Variants in KLF8 observed in about 807,000 individuals in gnomAD.
KLF8 encodes the protein KLF transcription factor 8, also known as Krueppel-like factor 8.
Under a neutral mutation model 18.2 loss-of-function variants are expected in KLF8, and 10 were observed. That is an observed-to-expected ratio of 0.55 (90% CI 0.34 to 0.93). KLF8 has a LOEUF of 0.93. KLF8 is among the 40% of genes least tolerant of loss of function. The pLI is 0.02. For missense variants in KLF8, 264 were observed against 277.9 expected (o/e 0.95, Z 0.36); for synonymous variants, 109 against 97.3 (o/e 1.12, Z -0.71).
At chrX:55,994,097 A>T in the KLF8 span, among the ~76,000 whole-genome samples, 5 of 109,367 alleles carry the variant, frequency 4.6e-5, no homozygotes, top group African/African-American at 1.7e-4. Context: ...TTTTTAGTAG[A>T]GACAGGGTTT....
At chrX:56,206,481 A>T in the KLF8 span, among the ~76,000 whole-genome samples, 1 of 112,098 alleles carries the variant, frequency 8.9e-6, no homozygotes, top group Non-Finnish European at 1.9e-5. Context: ...GCCAAAACAA[A>T]TGGGCTACAG....
At chrX:56,048,041 G>GT in the KLF8 span, among the ~76,000 whole-genome samples, 14 of 112,082 alleles carry the variant, frequency 1.2e-4, 1 homozygote, top group South Asian at 4.1e-3. Flanking sequence ...TTTTTCATGT[G>GT]TTTTTTGGCT....
chrX:55,977,337 T>C, the KLF8 span, among the ~76,000 whole-genome samples: 1 of 112,403 alleles, frequency 8.9e-6, no homozygotes, highest in Non-Finnish European at 1.9e-5. Flanking sequence ...TCTTCTTTGC[T>C]CTTCAATTTG....
chrX:56,017,633 G>A, the KLF8 span, among the ~76,000 whole-genome samples: 1 of 111,834 alleles, frequency 8.9e-6, no homozygotes, highest in African/African-American at 3.2e-5. Flanking sequence ...TAGTGGGTGT[G>A]TGATTTTTTG....
the KLF8 span, among the ~76,000 whole-genome samples, chrX:56,217,271 A>G: frequency 9.0e-6 from 1 of 111,658 alleles, no homozygotes; most frequent in Non-Finnish European, 1.9e-5. Context: ...AGAAACCAGC[A>G]ATATGGTAAA....
the KLF8 span, among the ~76,000 whole-genome samples, chrX:56,165,670 G>A: frequency 9.0e-6 from 1 of 111,236 alleles, no homozygotes; most frequent in African/African-American, 3.3e-5. Context: ...TTCAAGACTA[G>A]CCTGGACAAC....
chrX:56,044,390 C>A, the KLF8 span, among the ~76,000 whole-genome samples: 21 of 112,351 alleles, frequency 1.9e-4, no homozygotes, highest in Admixed American at 1.9e-3. Flanking sequence ...TTCTTCAAAG[C>A]CAGCAGGCTG....
the KLF8 span, among the ~76,000 whole-genome samples, chrX:56,092,688 T>C: frequency 9.0e-6 from 1 of 111,306 alleles, no homozygotes; most frequent in Non-Finnish European, 1.9e-5. Flanking sequence ...CCTGGAAATG[T>C]ATTTTGAAGT....
the KLF8 span, among the ~76,000 whole-genome samples, chrX:56,207,605 T>C: frequency 1.4e-4 from 16 of 111,484 alleles, no homozygotes; most frequent in East Asian, 4.6e-3. Flanking sequence ...CTCATATCCA[T>C]CTGAGACCAA....
upstream of KLF8, among the ~76,000 whole-genome samples, chrX:56,229,206 C>T (rs748413198): frequency 4.5e-5 from 5 of 111,068 alleles, no homozygotes; most frequent in South Asian, 3.9e-4. Flanking sequence ...GGAGGAGAAG[C>T]GGGATGATGA....
the KLF8 span, among the ~76,000 whole-genome samples, chrX:56,193,253 A>G: frequency 8.9e-6 from 1 of 112,677 alleles, no homozygotes; most frequent in Admixed American, 9.4e-5. Context: ...AGAAATACAA[A>G]TCAAAACTAC....
the KLF8 span, among the ~76,000 whole-genome samples, chrX:56,078,069 A>C: frequency 9.1e-6 from 1 of 109,710 alleles, no homozygotes; most frequent in East Asian, 2.8e-4. Context: ...TCCAGATATT[A>C]AATCATGTCA....
the KLF8 span, among the ~76,000 whole-genome samples, chrX:56,120,300 A>C: frequency 9.0e-6 from 1 of 111,584 alleles, no homozygotes; most frequent in African/African-American, 3.3e-5. Context: ...GCCCTCTTGA[A>C]GGCTTAGGAT....
At chrX:56,115,000 G>A in the KLF8 span, among the ~76,000 whole-genome samples, 1 of 112,208 alleles carries the variant, frequency 8.9e-6, no homozygotes, top group East Asian at 2.8e-4. Context: ...TTTGTTTCTT[G>A]TCAAATTTTA....
intron 2 of KLF8, among the ~76,000 whole-genome samples, chrX:56,254,700 C>G (rs759906326): frequency 1.8e-5 from 2 of 110,872 alleles, no homozygotes; most frequent in Non-Finnish European, 3.8e-5. Flanking sequence ...CCAGCTGTCC[C>G]CATCTGGACT....
the KLF8 span, among the ~76,000 whole-genome samples, chrX:56,161,250 G>A: frequency 1.8e-5 from 2 of 111,573 alleles, no homozygotes; most frequent in African/African-American, 3.3e-5. Flanking sequence ...CATTTCTGCC[G>A]AGAGATCTTC....
At chrX:55,947,964 C>T in the KLF8 span, among the ~76,000 whole-genome samples, 54 of 111,864 alleles carry the variant, frequency 4.8e-4, 2 homozygotes, top group East Asian at 0.015. Context: ...TTATTTGTGC[C>T]AATAACTCAG....
chrX:55,974,878 T>C, the KLF8 span, among the ~76,000 whole-genome samples: 2 of 112,450 alleles, frequency 1.8e-5, no homozygotes, highest in East Asian at 5.5e-4. Context: ...TTCCAATCCA[T>C]GAACATAGAA....
chrX:56,267,114 C>T (rs761633181), intron 3 of KLF8: 4 of 753,078 alleles, frequency 5.3e-6, no homozygotes, highest in Middle Eastern at 7.6e-4. Context: ...TTTGAAGGAG[C>T]TTTGAATAGT....
Sources: allele counts gnomAD v4.1 joint callset (sites outside exome capture counted in the v4.1 genomes callset), GRCh38; gene constraint gnomAD v4.1.1; transcripts MANE v1.5; gene names NCBI Gene and HGNC (gene_info 2026-07-23, HGNC 2026-07-21).